The following PLAAT1 variants were observed in gnomAD, a reference collection of about 807,000 sequenced individuals.
The protein encoded by PLAAT1 is H-REV107 protein-related protein.
In PLAAT1, 13 loss-of-function variants were observed where a neutral mutation model predicts 16.4. The observed-to-expected ratio is 0.79, with a 90% CI of 0.52 to 1.26. The LOEUF (loss-of-function observed/expected upper bound fraction) is 1.26. PLAAT1 is among the 50% of genes most tolerant of loss of function. PLAAT1 has a pLI of 0.00. For missense variants in PLAAT1, 218 were observed against 207.8 expected (o/e 1.05, Z -0.30); for synonymous variants, 73 against 78.4 (o/e 0.93, Z 0.36).
chr3:193,281,078 G>A (rs1717473708), downstream of PLAAT1: 1 of 473,516 alleles, frequency 2.1e-6, no homozygotes, highest in Non-Finnish European at 2.8e-6. Flanking sequence ...CTTGGGAAGG[G>A]TATGAGGCAG....
chr3:193,250,044 A>G (rs569160927), intron 1 of PLAAT1, among the ~76,000 whole-genome samples: 7 of 151,990 alleles, frequency 4.6e-5, no homozygotes, highest in African/African-American at 1.7e-4. Context: ...ATGTTTCTTC[A>G]TTTTCCTCCG....
At chr3:193,266,918 A>G (rs987032749) in intron 3 of PLAAT1, among the ~76,000 whole-genome samples, 4 of 152,126 alleles carry the variant, frequency 2.6e-5, no homozygotes, top group Non-Finnish European at 5.9e-5. Flanking sequence ...GAGCTTAGAA[A>G]TGTTTTCTTG....
downstream of PLAAT1, among the ~76,000 whole-genome samples, chr3:193,274,486 A>G (rs1024822063): frequency 6.6e-6 from 1 of 152,150 alleles, no homozygotes; most frequent in Non-Finnish European, 1.5e-5. Context: ...TCATTCTACC[A>G]CTTCCACACA....
At position 193,255,634 on chromosome 3, in the gene PLAAT1, T is replaced by G; in HGVS notation, c.1-17T>G. 1 of 1,590,890 alleles carries G rather than the reference T, an allele frequency of 6.3e-7. No individual in the cohort carries two copies. Among genetic ancestry groups the G allele is most frequent in the Middle Eastern group, 1.7e-4 (1 of 5,916 alleles). On this transcript the variant is annotated splice_polypyrimidine_tract_variant and intron_variant, in intron 1 of 3. Transcript: ENST00000264735. ...CAAGTTGTATTAGCTAGCTCTTCTT[T>G]GTATTTGTCATTGCAGATGGCGTTT...
downstream of PLAAT1, chr3:193,279,415 G>A: frequency 1.2e-6 from 2 of 1,613,878 alleles, no homozygotes; most frequent in Non-Finnish European, 1.7e-6. Flanking sequence ...AATGAAAATT[G>A]TGAGGCCCAA....
chr3:193,276,871 C>T, intron 2 of PLAAT1: 2 of 1,407,666 alleles, frequency 1.4e-6, no homozygotes, highest in African/African-American at 1.4e-5. Context: ...TTGCACACTT[C>T]ACACTTTGAA....
chr3:193,276,818 T>C (rs1717234810), intron 2 of PLAAT1: 3 of 1,613,330 alleles, frequency 1.9e-6, no homozygotes, highest in Admixed American at 3.3e-5. Flanking sequence ...CACGATGTTA[T>C]GGTTGGGATC....
At position 193,251,682 on chromosome 3, in the gene PLAAT1, C is replaced by T. The variant is rs75076700; in HGVS notation, c.1-3969C>T. On this transcript the variant is annotated intron_variant, in intron 1 of 3. Transcript: ENST00000264735. ...ACCATGCTAGGAGTTGGGTTCCCTT[C>T]CTGATTATAAGGCTCTGTGCATAGG... 7.1e-3 allele frequency among the ~76,000 whole-genome samples: 1,081 copies of T among 152,294 alleles called. 17 individuals carry two copies. Among genetic ancestry groups the T allele is most frequent in the African/African-American group, 0.023 (963 of 41,570 alleles).
At chr3:193,263,544 A>C (rs370522226) in intron 3 of PLAAT1, among the ~76,000 whole-genome samples, 15 of 152,322 alleles carry the variant, frequency 9.8e-5, no homozygotes, top group African/African-American at 2.9e-4. Flanking sequence ...CAAATTGGTG[A>C]TCTCATATAC....
At chr3:193,251,137 G>T (rs1716179238) in intron 1 of PLAAT1, among the ~76,000 whole-genome samples, 1 of 151,888 alleles carries the variant, frequency 6.6e-6, no homozygotes, top group Admixed American at 6.5e-5. Context: ...TGCCCTTTTT[G>T]CTTCTCAGGC....
downstream of PLAAT1, chr3:193,275,114 A>T (rs1717126150): frequency 6.2e-7 from 1 of 1,614,070 alleles, no homozygotes; most frequent in African/African-American, 1.3e-5. Flanking sequence ...GAATCTGTTC[A>T]TGGCTTTCAT....
chr3:193,255,405 A>G (rs1716338132), intron 1 of PLAAT1, among the ~76,000 whole-genome samples: 1 of 152,204 alleles, frequency 6.6e-6, no homozygotes, highest in Admixed American at 6.5e-5. Context: ...TCTGAAATTG[A>G]TCGGGATGAG....
intron 3 of PLAAT1, among the ~76,000 whole-genome samples, chr3:193,266,875 A>C (rs1716797860): frequency 1.3e-5 from 2 of 152,260 alleles, no homozygotes; most frequent in Admixed American, 6.5e-5. Context: ...ATATTAGATT[A>C]GTTTTTTGAA....
intron 1 of PLAAT1, among the ~76,000 whole-genome samples, chr3:193,254,701 C>T (rs1252517564): frequency 1.3e-5 from 2 of 152,096 alleles, no homozygotes; most frequent in Non-Finnish European, 2.9e-5. Context: ...AGTTGTCCTG[C>T]GTCTGCTGTT....
chr3:193,276,051 C>T (rs1191578966), intron 2 of PLAAT1, among the ~76,000 whole-genome samples: 1 of 152,090 alleles, frequency 6.6e-6, no homozygotes, highest in Non-Finnish European at 1.5e-5. Context: ...TGCCTTCATA[C>T]ATGTAGTATT....
intron 2 of PLAAT1, among the ~76,000 whole-genome samples, chr3:193,259,633 C>G (rs1310295517): frequency 6.6e-6 from 1 of 151,920 alleles, no homozygotes; most frequent in African/African-American, 2.4e-5. Context: ...ACAATAGCCA[C>G]AAATAAATAA....
chr3:193,280,340 C>T (rs1717430520), downstream of PLAAT1, among the ~76,000 whole-genome samples: 1 of 152,212 alleles, frequency 6.6e-6, no homozygotes, highest in Non-Finnish European at 1.5e-5. Flanking sequence ...GCATCAGCCA[C>T]ACCCCTGGCC....
At chr3:193,271,080 C>T (rs1577313802), downstream of PLAAT1, among the ~76,000 whole-genome samples, 1 of 152,232 alleles carries the variant, frequency 6.6e-6, no homozygotes, top group East Asian at 1.9e-4. Context: ...TTTAAGAACC[C>T]CAGATTGTTA....
chr3:193,268,733 A>ATCTG (rs761332670), intron 3 of PLAAT1, among the ~76,000 whole-genome samples: 3 of 152,300 alleles, frequency 2.0e-5, no homozygotes, highest in East Asian at 3.9e-4. Context: ...TGATCATGAT[A>ATCTG]TCTGGCCTTT....
Sources: allele counts gnomAD v4.1 joint callset (sites outside exome capture counted in the v4.1 genomes callset), GRCh38; gene constraint gnomAD v4.1.1; transcripts MANE v1.5; gene names NCBI Gene and HGNC (gene_info 2026-07-23, HGNC 2026-07-21).